NTN4: variants seen among roughly 807,000 people sequenced by gnomAD.
The protein encoded by NTN4 is netrin-4.
A neutral mutation model predicts 73.6 loss-of-function variants in NTN4; 32 were observed. That is an observed-to-expected ratio of 0.44 (90% CI 0.33 to 0.58). NTN4 has a LOEUF of 0.58. NTN4 is among the 20% of genes least tolerant of loss of function. NTN4 has a pLI of 0.04. For synonymous variants in NTN4, 258 were observed against 287.5 expected (o/e 0.90, Z 1.04); for missense variants, 654 against 798.3 (o/e 0.82, Z 2.18).
chr12:95,773,585 C>T (rs887241391), intron 2 of NTN4, among the ~76,000 whole-genome samples: 4 of 152,048 alleles, frequency 2.6e-5, no homozygotes, highest in African/African-American at 9.7e-5. Context: ...GGCGGACTTC[C>T]TCAAGGCCTT....
At chr12:95,682,638 G>A in intron 7 of NTN4, 69 bp downstream of exon 7, 1 of 1,028,978 alleles carries the variant, frequency 9.7e-7, no homozygotes, top group Non-Finnish European at 1.5e-6. Context: ...GCTGGACCCT[G>A]GTTTGTCACG....
intron 5 of NTN4, among the ~76,000 whole-genome samples, chr12:95,694,618 T>G (rs973619169): frequency 1.3e-5 from 2 of 152,214 alleles, no homozygotes; most frequent in Non-Finnish European, 2.9e-5. Flanking sequence ...TTTTTGGCAC[T>G]GTTTTCTTCT....
intron 4 of NTN4, among the ~76,000 whole-genome samples, chr12:95,712,787 CTTTTT>C (rs35614636): frequency 2.8e-5 from 3 of 105,714 alleles, no homozygotes; most frequent in African/African-American, 7.5e-5. Flanking sequence ...TTCTTTCTTT[CTTTTT>C]TTTTTTTTTT....
intron 5 of NTN4, among the ~76,000 whole-genome samples, chr12:95,705,163 A>G (rs1179823373): frequency 2.0e-5 from 3 of 152,134 alleles, no homozygotes; most frequent in African/African-American, 7.2e-5. Flanking sequence ...TTACCTTATT[A>G]TGTTTCAGGG....
At position 95,787,068 on chromosome 12, in the gene NTN4, T is replaced by C. The variant is rs773179094; in HGVS notation, c.456A>G (p.Lys152=). 1.2e-6 allele frequency: 2 copies of C among 1,614,208 alleles called. No homozygotes were observed. Among genetic ancestry groups the C allele is most frequent in the Admixed American group, 3.3e-5 (2 of 60,022 alleles). The change falls in exon 2 of 10, where the codon AAA becomes AAG. Residue 152 remains lysine (K), a synonymous_variant. Coordinates refer to ENST00000343702, the MANE Select transcript of NTN4 (RefSeq NM_021229.4). The part of the protein sequence containing the change: ...MVLDRSQDFG[K]TWKPYKYFAT... ...CAAAGTACTTATAAGGCTTCCATGT[T>C]TTCCCAAAGTCCTGGGAGCGGTCCA...
chr12:95,761,358 G>A (rs930512177), intron 2 of NTN4, among the ~76,000 whole-genome samples: 3 of 140,420 alleles, frequency 2.1e-5, no homozygotes, highest in East Asian at 2.2e-4. Context: ...ACGGAGTCTC[G>A]CTCTGTCTCC....
intron 5 of NTN4, among the ~76,000 whole-genome samples, chr12:95,692,208 G>C (rs1281796057): frequency 2.0e-5 from 3 of 151,982 alleles, no homozygotes. Context: ...GCTAATTTTT[G>C]TATTTTTAGT....
intron 3 of NTN4, among the ~76,000 whole-genome samples, chr12:95,728,355 T>C (rs1329597089): frequency 6.6e-6 from 1 of 152,216 alleles, no homozygotes; most frequent in Non-Finnish European, 1.5e-5. Flanking sequence ...CAGACATCCT[T>C]GTCTGATTCC....
At chr12:95,779,864 A>G (rs1012923245) in intron 2 of NTN4, among the ~76,000 whole-genome samples, 9 of 152,228 alleles carry the variant, frequency 5.9e-5, no homozygotes, top group African/African-American at 1.4e-4. Context: ...TCCTAAGCCA[A>G]AAGAACAAAG....
At chr12:95,782,286 T>C (rs1268084730) in intron 2 of NTN4, among the ~76,000 whole-genome samples, 3 of 151,894 alleles carry the variant, frequency 2.0e-5, no homozygotes, top group African/African-American at 7.3e-5. Context: ...TCTTTAATAA[T>C]CCTTTACTTT....
intron 2 of NTN4, among the ~76,000 whole-genome samples, chr12:95,772,394 A>G (rs1481367651): frequency 1.3e-5 from 2 of 152,062 alleles, no homozygotes; most frequent in Non-Finnish European, 2.9e-5. Context: ...ACTAACTTTA[A>G]TCCTCCCCTT....
chr12:95,790,271 G>A lies in NTN4; in HGVS notation c.39C>T (p.Cys13=). ...SCARLLLLWG[C]TVVAAGLSGV... is the part of the protein sequence containing the mutation. ...ACCACCCACCTGCGGCCACCACCGTGCAGCCCCAGAGCAGCAGCAGCCGCG... is the reference window on the plus strand; with the variant it reads ...ACCACCCACCTGCGGCCACCACCGTACAGCCCCAGAGCAGCAGCAGCCGCG... Residue 13 remains cysteine (C), a synonymous_variant, in exon 1 of 10, where the codon TGC becomes TGT. Transcript: ENST00000343702. The surrounding 1 kb of genome is among the most constrained non-coding windows in gnomAD (Gnocchi z 6.5). The A allele has an allele frequency of 1.3e-6, 2 of 1,536,834 alleles. No homozygotes were observed. Among genetic ancestry groups the A allele is most frequent in the Non-Finnish European group, 1.8e-6 (2 of 1,141,716 alleles).
intron 5 of NTN4, among the ~76,000 whole-genome samples, chr12:95,697,987 A>G (rs1424854805): frequency 6.6e-6 from 1 of 152,232 alleles, no homozygotes; most frequent in African/African-American, 2.4e-5. Flanking sequence ...CTACAGTATA[A>G]CAACTATTTA....
intron 8 of NTN4, 101 bp from the exon 9 acceptor site, chr12:95,666,081 G>A: frequency 1.2e-6 from 1 of 857,518 alleles, no homozygotes; most frequent in Non-Finnish European, 1.7e-6. Context: ...AAGGTGAATT[G>A]ATGATGAGGA....
chr12:95,675,576 T>C (rs981246610), intron 7 of NTN4, among the ~76,000 whole-genome samples: 2 of 151,954 alleles, frequency 1.3e-5, no homozygotes, highest in Admixed American at 1.3e-4. Flanking sequence ...CAATATTAGA[T>C]AAAGGACGGA....
At chr12:95,708,558 C>A (rs1342936060) in intron 5 of NTN4, among the ~76,000 whole-genome samples, 2 of 151,890 alleles carry the variant, frequency 1.3e-5, no homozygotes, top group African/African-American at 4.8e-5. Flanking sequence ...CGCCCAGCCT[C>A]TTTATTGTTA....
chr12:95,741,039 T>C lies in NTN4; in HGVS notation c.586-2895A>G, dbSNP rs533028720. Reference sequence around the variant, plus strand: ...TTTTAAAACCTGCTTAGAATTACAGTGTGTGGCTATGACATAATTTATTTA... The same window carrying C: ...TTTTAAAACCTGCTTAGAATTACAGCGTGTGGCTATGACATAATTTATTTA... On this transcript the variant is annotated intron_variant, in intron 2 of 9. Transcript: ENST00000343702. Among the ~76,000 whole-genome samples the C allele has an allele frequency of 3.3e-5, 5 of 152,248 alleles. No individual in the cohort carries two copies. In the South Asian group the frequency reaches 8.3e-4, roughly 25 times the overall value.
intron 2 of NTN4, among the ~76,000 whole-genome samples, chr12:95,764,896 A>T (rs1329092373): frequency 1.3e-5 from 2 of 152,134 alleles, no homozygotes; most frequent in African/African-American, 4.8e-5. Context: ...AAGCATATTA[A>T]CCTGTCATAT....
chr12:95,760,189 AT>A (rs1441737823), intron 2 of NTN4, among the ~76,000 whole-genome samples: 1 of 152,166 alleles, frequency 6.6e-6, no homozygotes, highest in Non-Finnish European at 1.5e-5. Context: ...TTTAGGGCTA[AT>A]TTAACCCTAT....
Sources: gnomAD v4.1 joint callset for allele counts (sites outside exome capture counted in the v4.1 genomes callset) on GRCh38, gnomAD v4.1.1 for gene constraint, Gnocchi (gnomAD v3.1) non-coding constraint, MANE v1.5 for transcripts, NCBI Gene and HGNC (gene_info 2026-07-23, HGNC 2026-07-21) for gene names.